Variants in ATXN1 observed in about 807,000 individuals in gnomAD.
ATXN1 encodes ataxin 1.
In ATXN1, 8 loss-of-function variants were observed where a neutral mutation model predicts 56.4. The ratio of observed to expected loss-of-function variants is 0.14; its 90% CI spans 0.08 to 0.26. The LOEUF (loss-of-function observed/expected upper bound fraction) is 0.26. Ranked by LOEUF, ATXN1 falls within the 10% of genes least tolerant of loss-of-function variation. ATXN1 has a pLI of 1.00. For synonymous variants in ATXN1, 514 were observed against 494.6 expected (o/e 1.04, Z -0.52); for missense variants, 987 against 1,106.5 (o/e 0.89, Z 1.53).
intron 5 of ATXN1, among the ~76,000 whole-genome samples, chr6:16,496,975 T>G (rs1018809534): frequency 6.6e-6 from 1 of 152,162 alleles, no homozygotes; most frequent in Non-Finnish European, 1.5e-5. Context: ...CAACTCCTAA[T>G]ATATCAAAAA....
chr6:16,641,492 A>G (rs1306368867), intron 3 of ATXN1, among the ~76,000 whole-genome samples: 2 of 152,258 alleles, frequency 1.3e-5, no homozygotes, highest in East Asian at 1.9e-4. Flanking sequence ...TGGAACAACA[A>G]AGCCTGGATG....
intron 2 of ATXN1, among the ~76,000 whole-genome samples, chr6:16,740,094 T>C (rs920592938): frequency 6.6e-6 from 1 of 152,188 alleles, no homozygotes. Flanking sequence ...AGATATAAAA[T>C]CTGGCTTCTG....
At chr6:16,689,288 A>C (rs138915725) in intron 2 of ATXN1, among the ~76,000 whole-genome samples, 9 of 151,970 alleles carry the variant, frequency 5.9e-5, no homozygotes, top group Admixed American at 1.3e-4. Context: ...GGCTTTTTAT[A>C]ATTTAAATTT....
At position 16,722,490 on chromosome 6, in the gene ATXN1, A is replaced by T. The variant is rs1759764456; in HGVS notation, c.-615+30743T>A. Among the ~76,000 whole-genome samples, 6 of 152,330 alleles carry T rather than the reference A, an allele frequency of 3.9e-5. No homozygotes were observed. In the South Asian group the frequency reaches 1.2e-3, roughly 32 times the overall value. On this transcript the variant is annotated intron_variant, in intron 2 of 7. Coordinates refer to ENST00000436367, the MANE Select transcript of ATXN1 (RefSeq NM_001128164.2). ...CACTAATAATAGTCTAATTACAAAA[A>T]AGTATCTCCCCCCACCTGCCCCACT... is the stretch of plus-strand genomic sequence containing the variant.
At chr6:16,373,196 G>T (rs2113493705) in intron 6 of ATXN1, among the ~76,000 whole-genome samples, 1 of 152,312 alleles carries the variant, frequency 6.6e-6, no homozygotes, top group African/African-American at 2.4e-5. Flanking sequence ...GAAACCATCA[G>T]TTGTATTCTT....
At chr6:16,494,902 A>G (rs1477093077) in intron 5 of ATXN1, among the ~76,000 whole-genome samples, 1 of 152,182 alleles carries the variant, frequency 6.6e-6, no homozygotes, top group Non-Finnish European at 1.5e-5. Flanking sequence ...GCCAGAAGAC[A>G]GGGAGGTCTG....
chr6:16,471,688 C>CGTGTGTGTGTGT lies in ATXN1; in HGVS notation c.-161+14272_-161+14283dup, dbSNP rs70999327. 3.8e-4 allele frequency among the ~76,000 whole-genome samples: 57 copies of CGTGTGTGTGTGT among 149,390 alleles called. No individual in the cohort carries two copies. In the East Asian group the frequency reaches 4.4e-3, roughly 11 times the overall value. On this transcript the variant is annotated intron_variant, in intron 6 of 7. Coordinates refer to ENST00000436367, the MANE Select transcript of ATXN1 (RefSeq NM_001128164.2). Reference sequence around the variant, plus strand: ...GAGTGTGCGTATGTGTGCATGCATGCGTGTGTGTGTGTGTGTGTGTGTGAG... The same window carrying CGTGTGTGTGTGT: ...GAGTGTGCGTATGTGTGCATGCATGCGTGTGTGTGTGTGTGTGTGTGTGTGTGTGTGTGTGAG...
chr6:16,761,273 G>A (rs1761092394), intron 1 of ATXN1, 25 bp downstream of exon 1: 1 of 447,152 alleles, frequency 2.2e-6, no homozygotes, highest in South Asian at 1.6e-5. Flanking sequence ...AAGAATCGGA[G>A]GAGGAAAAAA....
intron 6 of ATXN1, among the ~76,000 whole-genome samples, chr6:16,456,578 C>A (rs771092159): frequency 6.6e-6 from 1 of 152,170 alleles, no homozygotes; most frequent in Admixed American, 6.5e-5. Flanking sequence ...AGTTGGTTGG[C>A]CCTGCAGCCA....
intron 4 of ATXN1, among the ~76,000 whole-genome samples, chr6:16,578,660 G>A (rs1199951904): frequency 6.6e-6 from 1 of 152,076 alleles, no homozygotes; most frequent in African/African-American, 2.4e-5. Flanking sequence ...TCTTATGCAG[G>A]GGGCAAAAGG....
intron 3 of ATXN1, among the ~76,000 whole-genome samples, chr6:16,638,905 A>G (rs1350409335): frequency 6.6e-6 from 1 of 152,164 alleles, no homozygotes; most frequent in Non-Finnish European, 1.5e-5. Context: ...GTCGGTGGCT[A>G]TAATTAAATG....
intron 4 of ATXN1, among the ~76,000 whole-genome samples, chr6:16,537,731 G>GA (rs537414371): frequency 8.5e-4 from 119 of 139,282 alleles, no homozygotes; most frequent in Middle Eastern, 3.8e-3. Context: ...AAGAAAAAAA[G>GA]AAAAAAAAAA....
At chr6:16,466,317 CAAAAAAAAAAAAAAAAAAA>C (rs200261208) in intron 6 of ATXN1, among the ~76,000 whole-genome samples, 73 of 79,866 alleles carry the variant, frequency 9.1e-4, no homozygotes, top group African/African-American at 3.1e-3. Flanking sequence ...GACCCCATCT[CAAAAAAAAAAAAAAAAAAA>C]AAAAAAAAAA....
chr6:16,619,219 T>C (rs1216157158), intron 3 of ATXN1, among the ~76,000 whole-genome samples: 1 of 152,054 alleles, frequency 6.6e-6, no homozygotes, highest in Non-Finnish European at 1.5e-5. Context: ...GAAGAGTAAT[T>C]TAATAACACA....
At chr6:16,437,670 C>T (rs763837332) in intron 6 of ATXN1, among the ~76,000 whole-genome samples, 1 of 152,190 alleles carries the variant, frequency 6.6e-6, no homozygotes, top group Non-Finnish European at 1.5e-5. Flanking sequence ...GTGTCTCTTC[C>T]TGCTTTAATT....
intron 6 of ATXN1, among the ~76,000 whole-genome samples, chr6:16,343,102 T>C (rs1761292113): frequency 6.6e-6 from 1 of 152,214 alleles, no homozygotes; most frequent in Non-Finnish European, 1.5e-5. Flanking sequence ...CCCAGCACTT[T>C]GGGAGGCTGA....
chr6:16,426,305 G>A (rs1190160061), intron 6 of ATXN1, among the ~76,000 whole-genome samples: 1 of 152,158 alleles, frequency 6.6e-6, no homozygotes, highest in African/African-American at 2.4e-5. Flanking sequence ...GGAAGGTGCA[G>A]AGAGGACAGA....
At chr6:16,316,150 C>T (rs1561847306) in intron 7 of ATXN1, among the ~76,000 whole-genome samples, 1 of 152,128 alleles carries the variant, frequency 6.6e-6, no homozygotes, top group Non-Finnish European at 1.5e-5. Flanking sequence ...GGAGCGTGAA[C>T]CCTATTGTAA....
chr6:16,347,502 A>C (rs1761443053), intron 6 of ATXN1, among the ~76,000 whole-genome samples: 1 of 151,672 alleles, frequency 6.6e-6, no homozygotes, highest in Admixed American at 6.6e-5. Flanking sequence ...TAGCTAAGGG[A>C]TTGTAAATAC....
Sources: gnomAD v4.1 joint callset for allele counts (sites outside exome capture counted in the v4.1 genomes callset) on GRCh38, gnomAD v4.1.1 for gene constraint, MANE v1.5 for transcripts, NCBI Gene and HGNC (gene_info 2026-07-23, HGNC 2026-07-21) for gene names.